The following KANSL3 variants were observed in gnomAD, a reference collection of about 807,000 sequenced individuals.
The protein encoded by KANSL3 is KAT8 regulatory NSL complex subunit 3, also known as NSL complex protein NSL3.
A neutral mutation model predicts 89.2 loss-of-function variants in KANSL3; 16 were observed. That is an observed-to-expected ratio of 0.18 (90% confidence interval 0.12 to 0.27). KANSL3 has a LOEUF of 0.27. Ranked by LOEUF, KANSL3 falls within the 10% of genes least tolerant of loss-of-function variation. The pLI is 1.00. For missense variants in KANSL3, 879 were observed against 1,110.6 expected (o/e 0.79, Z 2.96); for synonymous variants, 385 against 419.7 (o/e 0.92, Z 1.01).
the KANSL3 span, among the ~76,000 whole-genome samples, chr2:96,582,145 C>A: frequency 6.6e-6 from 1 of 152,112 alleles, no homozygotes; most frequent in Non-Finnish European, 1.5e-5. Flanking sequence ...AATCCCGGCA[C>A]TTGGGAGGCC....
chr2:96,635,795 C>A (rs1236626976), intron 2 of KANSL3, among the ~76,000 whole-genome samples: 1 of 152,144 alleles, frequency 6.6e-6, no homozygotes, highest in African/African-American at 2.4e-5. Context: ...TCGAGACCAG[C>A]CTGGCTAACA....
intron 3 of KANSL3, 56 bp from the exon 4 acceptor site, chr2:96,619,818 T>G (rs1379211087): frequency 2.1e-5 from 27 of 1,297,112 alleles, no homozygotes; most frequent in Non-Finnish European, 2.9e-5. Flanking sequence ...TCCCCATGTA[T>G]GTACACCATA....
intron 20 of KANSL3, 198 bp downstream of exon 20, chr2:96,601,445 G>A: frequency 7.3e-7 from 1 of 1,365,366 alleles, no homozygotes; most frequent in Non-Finnish European, 9.4e-7. Context: ...TATCAAGGGA[G>A]GGATGTAGAA....
At chr2:96,632,914 C>T (rs1558786990) in intron 2 of KANSL3, among the ~76,000 whole-genome samples, 3 of 146,304 alleles carry the variant, frequency 2.1e-5, no homozygotes, top group African/African-American at 7.6e-5. Context: ...TGCAGTGAGC[C>T]GAGATTGCGC....
intron 18 of KANSL3, 54 bp from the exon 19 acceptor site, chr2:96,602,392 C>T (rs1020319515): frequency 2.9e-6 from 4 of 1,383,958 alleles, no homozygotes; most frequent in Non-Finnish European, 4.0e-6. Flanking sequence ...CAGCAACATT[C>T]GAGCTTGGAG....
At chr2:96,588,494 A>G (rs1047209022), downstream of KANSL3, among the ~76,000 whole-genome samples, 1 of 152,224 alleles carries the variant, frequency 6.6e-6, no homozygotes, top group Non-Finnish European at 1.5e-5. Flanking sequence ...AGTTCTCTAA[A>G]TAAGAAGGAA....
chr2:96,614,308 G>A (rs1558716242), intron 5 of KANSL3, among the ~76,000 whole-genome samples: 1 of 152,032 alleles, frequency 6.6e-6, no homozygotes, highest in Non-Finnish European at 1.5e-5. Context: ...TGGTCAGGAT[G>A]GTCTTGAACT....
chr2:96,596,768 C>G (rs1390215963), intron 20 of KANSL3, among the ~76,000 whole-genome samples: 2 of 152,254 alleles, frequency 1.3e-5, no homozygotes, highest in African/African-American at 4.8e-5. Flanking sequence ...TGCTACAAGG[C>G]TACAGTGAGG....
chr2:96,582,593 C>T, the KANSL3 span, among the ~76,000 whole-genome samples: 1,592 of 152,256 alleles, frequency 0.01, 31 homozygotes, highest in African/African-American at 0.036. Flanking sequence ...CATCCTATAG[C>T]GTAATATTAA....
At position 96,600,621 on chromosome 2, in the gene KANSL3, G is replaced by A. The variant is rs546860139; in HGVS notation, c.2616+1022C>T. 15 of 985,428 alleles carry A rather than the reference G, an allele frequency of 1.5e-5. No homozygotes were observed. The East Asian group carries it at 1.6e-3, about 104-fold the overall frequency. 61.0% of individuals were successfully genotyped at this position (985,428 alleles called of 1,614,324 possible). A position where few individuals can be genotyped will look rare whatever the true frequency, so the allele number is the denominator to read the frequency against. On this transcript the variant is annotated intron_variant, in intron 20 of 20. Coordinates refer to ENST00000431828, the MANE Select transcript of KANSL3 (RefSeq NM_001115016.3). ...AGGGAGACACAGGAAGGCCTTGGCT[G>A]TATAGCGGATACTGAAGGAAAGCAC...
intron 3 of KANSL3, 125 bp from the exon 4 acceptor site, chr2:96,619,887 T>C (rs2070929373): frequency 1.3e-6 from 1 of 748,216 alleles, no homozygotes; most frequent in South Asian, 1.8e-5. Context: ...ACGAAGTAGC[T>C]TAGTCTAAGA....
At chr2:96,620,882 G>A (rs2071139092) in intron 3 of KANSL3, among the ~76,000 whole-genome samples, 1 of 151,964 alleles carries the variant, frequency 6.6e-6, no homozygotes, top group Non-Finnish European at 1.5e-5. Flanking sequence ...CGTGCCTGTA[G>A]CCCCAGCTAC....
chr2:96,634,663 G>T (rs895811297), intron 2 of KANSL3, among the ~76,000 whole-genome samples: 1 of 152,156 alleles, frequency 6.6e-6, no homozygotes, highest in African/African-American at 2.4e-5. Flanking sequence ...TTAACTTTTT[G>T]ACTTCAGTGA....
chr2:96,613,076 T>C, intron 6 of KANSL3, 142 bp from the exon 7 acceptor site: 1 of 628,684 alleles, frequency 1.6e-6, no homozygotes, highest in Non-Finnish European at 2.8e-6. Flanking sequence ...AAATAAATTA[T>C]TAATAATAGT....
chr2:96,614,661 C>T (rs182083602), intron 5 of KANSL3, among the ~76,000 whole-genome samples: 4 of 151,750 alleles, frequency 2.6e-5, no homozygotes, highest in Admixed American at 2.6e-4. Context: ...ATCCCAGCTA[C>T]TTGGGAAGCT....
intron 3 of KANSL3, among the ~76,000 whole-genome samples, chr2:96,624,173 C>T (rs889132399): frequency 3.9e-5 from 6 of 152,242 alleles, no homozygotes; most frequent in African/African-American, 1.2e-4. Flanking sequence ...TTGTTGAGAC[C>T]GGAAGCTCCA....
rs2066345737 is a variant in KANSL3, at chr2:96,593,475, T to C, written c.*2136A>G. ...AAGCTTCCTTTCGCGTTCCAAGAAA[T>C]ATAGTTTGCGAAGGGAACTGGAAAA... On this transcript the variant is annotated 3_prime_UTR_variant, in exon 21 of 21. Transcript: ENST00000431828. The C allele has an allele frequency of 8.1e-6, 3 of 370,088 alleles. No homozygotes were observed. The highest frequency in any genetic ancestry group is 7.3e-5 in the East Asian group (1 of 13,736). 22.9% of individuals were successfully genotyped at this position (370,088 alleles called of 1,614,324 possible). A position where few individuals can be genotyped will look rare whatever the true frequency, so the allele number is the denominator to read the frequency against.
In KANSL3 at chr2:96,610,833, A is replaced by C; in HGVS notation, c.1212T>G (p.Ile404Met). ...LDMKTPVLFV[I>M]GQNSLQCHPE... ...GGTGACATTGAAGGGAATTCTGACC[A>C]ATGACAAAGAGGACTGGAGTCTTCA... The change falls in exon 11 of 21, where the codon ATT becomes ATG. Residue 404 changes from isoleucine (I) to methionine (M), a missense_variant. By Grantham distance (10) the Ile-to-Met change is conservative. Transcript: ENST00000431828. 1.2e-6 allele frequency: 2 copies of C among 1,613,996 alleles called. No homozygotes were observed. Among genetic ancestry groups the C allele is most frequent in the Non-Finnish European group, 1.7e-6 (2 of 1,179,862 alleles).
chr2:96,618,537 C>T (rs977807335), intron 5 of KANSL3, among the ~76,000 whole-genome samples: 3 of 152,166 alleles, frequency 2.0e-5, no homozygotes, highest in African/African-American at 7.2e-5. Context: ...ATTTCAAGAA[C>T]CTATGAGGGT....
Sources: allele counts gnomAD v4.1 joint callset (sites outside exome capture counted in the v4.1 genomes callset), GRCh38; gene constraint gnomAD v4.1.1; transcripts MANE v1.5; gene names NCBI Gene and HGNC (gene_info 2026-07-23, HGNC 2026-07-21).